ABCA6: variants seen among roughly 807,000 people sequenced by gnomAD.
The protein encoded by ABCA6 is ATP-binding cassette sub-family A member 6.
In ABCA6, 164 loss-of-function variants were observed where a neutral mutation model predicts 191.2. The observed-to-expected ratio is 0.86, with a 90% CI of 0.76 to 0.98. The LOEUF (loss-of-function observed/expected upper bound fraction) is 0.98. Among genes scored for constraint, ABCA6 ranks in the 50% least tolerant of loss-of-function variants. The pLI is 0.00. For synonymous variants in ABCA6, 636 were observed against 647.7 expected (o/e 0.98, Z 0.27); for missense variants, 1,958 against 1,894.1 (o/e 1.03, Z -0.63).
At chr17:69,092,633 C>G (rs1211468135) in intron 25 of ABCA6, among the ~76,000 whole-genome samples, 1 of 152,116 alleles carries the variant, frequency 6.6e-6, no homozygotes, top group Non-Finnish European at 1.5e-5. Context: ...GCACCACAAC[C>G]CTGGGGGTAT....
intron 11 of ABCA6, among the ~76,000 whole-genome samples, chr17:69,117,373 T>A (rs2073556250): frequency 6.6e-6 from 1 of 152,094 alleles, no homozygotes; most frequent in Non-Finnish European, 1.5e-5. Context: ...CTTTGATGTT[T>A]GCTTAAATGT....
In ABCA6 at chr17:69,089,554, AAAC is replaced by A. The variant is rs2072879937; in HGVS notation, c.3529-15_3529-13del. ...TGCTCCTGGTCTCTCTGAAAAGACA[AAAC>A]AAAACACACACACACTAATGATAAT... On this transcript the variant is annotated splice_polypyrimidine_tract_variant and intron_variant, in intron 26 of 38. Transcript: ENST00000284425. The A allele has an allele frequency of 6.2e-7, 1 of 1,602,232 alleles. No homozygotes were observed. Among genetic ancestry groups the A allele is most frequent in the African/African-American group, 1.3e-5 (1 of 74,808 alleles).
chr17:69,132,188 T>C (rs1206964239), intron 6 of ABCA6, among the ~76,000 whole-genome samples: 1 of 152,208 alleles, frequency 6.6e-6, no homozygotes, highest in East Asian at 1.9e-4. Flanking sequence ...GTTCAATACA[T>C]AATTTCTCAT....
intron 26 of ABCA6, among the ~76,000 whole-genome samples, chr17:69,090,449 T>A (rs1176223593): frequency 6.6e-6 from 1 of 152,202 alleles, no homozygotes; most frequent in Non-Finnish European, 1.5e-5. Flanking sequence ...CATTAACTAA[T>A]TATTATTCAT....
intron 20 of ABCA6, chr17:69,104,030 GA>G (rs1304526985): frequency 6.9e-6 from 1 of 144,078 alleles, no homozygotes; most frequent in East Asian, 2.1e-4. Flanking sequence ...CATGCACATA[GA>G]AAATAAGCTT....
rs773772938 is a variant in ABCA6, at chr17:69,112,191, A to ATTC, written c.2123_2124insGAA (p.Tyr708delinsTer). On this transcript the variant is annotated stop_gained, in exon 16 of 39. Coordinates refer to ENST00000284425, the MANE Select transcript of ABCA6 (RefSeq NM_080284.3). LOFTEE classifies it high-confidence loss of function. ...ATTCCCAAAGTCTTTACCTTAGGTG[A>ATTC]TATCCAAGACCCCACCTTCTTTTCA... The ATTC allele has an allele frequency of 6.2e-7, 1 of 1,608,782 alleles. No homozygotes were observed. The highest frequency in any genetic ancestry group is 1.1e-5 in the South Asian group (1 of 90,910).
At chr17:69,117,509 C>A (rs2073558533) in intron 11 of ABCA6, among the ~76,000 whole-genome samples, 1 of 151,946 alleles carries the variant, frequency 6.6e-6, no homozygotes, top group South Asian at 2.1e-4. Flanking sequence ...TGGTTTTACT[C>A]ATCTTGCTTT....
At chr17:69,090,304 C>A (rs1419688610) in intron 26 of ABCA6, among the ~76,000 whole-genome samples, 1 of 152,170 alleles carries the variant, frequency 6.6e-6, no homozygotes, top group African/African-American at 2.4e-5. Context: ...AGTGTGTTCT[C>A]CACTTAACTT....
In ABCA6 at chr17:69,083,197, C is replaced by T. The variant is rs758471024; in HGVS notation, c.4475+15G>A. The stretch of plus-strand genomic sequence containing the variant: ...CATTTTGAGCATCAAATGCAGGCTT[C>T]GGAGAGACACCCACCTAAGCCTTCC... On this transcript the variant is annotated intron_variant, in intron 35 of 38. Transcript: ENST00000284425. The T allele has an allele frequency of 2.7e-5, 42 of 1,580,088 alleles. No homozygotes were observed. Among genetic ancestry groups the T allele is most frequent in the Admixed American group, 1.4e-4 (7 of 51,838 alleles).
intron 25 of ABCA6, among the ~76,000 whole-genome samples, chr17:69,095,688 T>C (rs1387880590): frequency 6.6e-6 from 1 of 152,208 alleles, no homozygotes; most frequent in Non-Finnish European, 1.5e-5. Flanking sequence ...CAGACAGACA[T>C]TCAATCACCA....
Position 69,083,341 on chromosome 17 carries a change from G to C in ABCA6, c.4356-10C>G. ...TGCCTGGATTGCCTGCCTGCAGTGA[G>C]CAAAAAAATTAACAGTATTTAAAAT... On this transcript the variant is annotated splice_polypyrimidine_tract_variant and intron_variant, in intron 34 of 38. Transcript: ENST00000284425. The C allele has an allele frequency of 6.4e-7, 1 of 1,557,704 alleles. No homozygotes were observed. The highest frequency in any genetic ancestry group is 8.6e-7 in the Non-Finnish European group (1 of 1,161,650).
In ABCA6 at chr17:69,136,182, C is replaced by T. The variant is rs1598067139; in HGVS notation, c.370G>A (p.Ala124Thr). 1.9e-6 allele frequency: 3 copies of T among 1,602,448 alleles called. No homozygotes were observed. Among genetic ancestry groups the T allele is most frequent in the Non-Finnish European group, 1.7e-6 (2 of 1,173,258 alleles). ...DEILLENLPYAMGIIFNETFS... is the reference protein window; with the variant it reads ...DEILLENLPYTMGIIFNETFS... ...GTTTCATTAAAGATGATTCCCATAGCATATGGTAAATTTTCCAGAAGTATT... is the reference window on the plus strand; with the variant it reads ...GTTTCATTAAAGATGATTCCCATAGTATATGGTAAATTTTCCAGAAGTATT... The change falls in exon 4 of 39, where the codon GCT becomes ACT. Residue 124 changes from alanine to threonine, a missense_variant. Coordinates refer to ENST00000284425, the MANE Select transcript of ABCA6 (RefSeq NM_080284.3).
chr17:69,087,850 C>T (rs1478796126), intron 28 of ABCA6, among the ~76,000 whole-genome samples: 2 of 152,202 alleles, frequency 1.3e-5, no homozygotes, highest in African/African-American at 4.8e-5. Context: ...ATTTTTAAAA[C>T]ACTCAACTAT....
chr17:69,093,916 C>T (rs560912009), intron 25 of ABCA6, among the ~76,000 whole-genome samples: 41 of 152,220 alleles, frequency 2.7e-4, no homozygotes, highest in African/African-American at 8.4e-4. Flanking sequence ...TATTACACTG[C>T]GGTGTAATTT....
At chr17:69,079,351 G>T in intron 37 of ABCA6, 86 bp from the exon 38 acceptor site, 1 of 1,025,698 alleles carries the variant, frequency 9.7e-7, no homozygotes, top group Non-Finnish European at 1.4e-6. Context: ...GAATAAAAAT[G>T]TAAATCATTA....
At chr17:69,095,590 T>A (rs779228952) in intron 25 of ABCA6, 1 of 152,256 alleles carries the variant, frequency 6.6e-6, no homozygotes, top group Non-Finnish European at 1.5e-5. Flanking sequence ...CAACCTAATA[T>A]TAAATATATC....
chr17:69,083,012 A>G lies in ABCA6; in HGVS notation c.4477T>C (p.Cys1493Arg), dbSNP rs370909955. ...TTCAGGTGTTGGATGGAGCCAATGC[A>G]TCTATGGGCAAGAAAGAGAATATGT... ...VAIMVSGRLR[C>R]IGSIQHLKNK... Residue 1493 changes from cysteine (C) to arginine (R), a missense_variant and splice_region_variant, in exon 36 of 39, where the codon TGC becomes CGC. Physicochemically the swap from Cys to Arg is radical, Grantham distance 180. Transcript: ENST00000284425. 2 of 1,613,810 alleles carry G rather than the reference A, an allele frequency of 1.2e-6. No individual in the cohort carries two copies. The highest frequency in any genetic ancestry group is 1.3e-5 in the African/African-American group (1 of 74,924).
chr17:69,083,916 G>C (rs1598439764), intron 34 of ABCA6, among the ~76,000 whole-genome samples: 1 of 152,074 alleles, frequency 6.6e-6, no homozygotes. Context: ...CAGGAAAATT[G>C]TGTCAGGAAG....
rs1409839612 is a variant in ABCA6, at chr17:69,107,816, A to C, written c.2273-4T>G. Reference sequence around the variant, plus strand: ...TTATCCAGATCACTGAAAAGATCTAAGGCAAAAAAATATGAATAGATACTT... The same window carrying C: ...TTATCCAGATCACTGAAAAGATCTACGGCAAAAAAATATGAATAGATACTT... On this transcript the variant is annotated splice_polypyrimidine_tract_variant and splice_region_variant and intron_variant, in intron 17 of 38. Transcript: ENST00000284425. 2 of 1,563,044 alleles carry C rather than the reference A, an allele frequency of 1.3e-6. No homozygotes were observed. Among genetic ancestry groups the C allele is most frequent in the Admixed American group, 3.5e-5 (2 of 57,732 alleles).
Sources: gnomAD v4.1 joint callset for allele counts (sites outside exome capture counted in the v4.1 genomes callset) on GRCh38, gnomAD v4.1.1 for gene constraint, MANE v1.5 for transcripts, NCBI Gene and HGNC (gene_info 2026-07-23, HGNC 2026-07-21) for gene names.